NRG1: variants seen among roughly 807,000 people sequenced by gnomAD.
NRG1 encodes pro-neuregulin-1, membrane-bound isoform.
Under a neutral mutation model 63.8 loss-of-function variants are expected in NRG1, and 18 were observed. The ratio of observed to expected loss-of-function variants is 0.28; its 90% confidence interval spans 0.19 to 0.42. NRG1 has a LOEUF of 0.42. Ranked by LOEUF, NRG1 falls within the 10% of genes least tolerant of loss-of-function variation. The pLI is 1.00. For missense variants in NRG1, 762 were observed against 814.7 expected (o/e 0.94, Z 0.79); for synonymous variants, 302 against 301.3 (o/e 1.00, Z -0.02).
At chr8:31,846,939 C>T (rs1290117079) in intron 1 of NRG1, among the ~76,000 whole-genome samples, 1 of 152,096 alleles carries the variant, frequency 6.6e-6, no homozygotes, top group African/African-American at 2.4e-5. Flanking sequence ...GGTTCATGAA[C>T]TAATAATAAA....
chr8:32,033,220 G>A (rs554575641), intron 1 of NRG1, among the ~76,000 whole-genome samples: 26 of 150,518 alleles, frequency 1.7e-4, no homozygotes, highest in South Asian at 4.3e-4. Flanking sequence ...TCAGCCTCCC[G>A]AGTAGATGGG....
intron 5 of NRG1, among the ~76,000 whole-genome samples, chr8:32,666,968 A>G (rs1804338875): frequency 6.6e-6 from 1 of 152,224 alleles, no homozygotes; most frequent in Non-Finnish European, 1.5e-5. Context: ...AGACTGAATA[A>G]TATTCCATTA....
intron 1 of NRG1, among the ~76,000 whole-genome samples, chr8:32,097,363 A>T (rs961622141): frequency 3.4e-4 from 52 of 152,142 alleles, no homozygotes; most frequent in African/African-American, 1.3e-3. Flanking sequence ...CAGTCCCCAA[A>T]TTGAGATTGC....
chr8:32,539,934 A>G (rs1832408004), intron 1 of NRG1, among the ~76,000 whole-genome samples: 1 of 152,342 alleles, frequency 6.6e-6, no homozygotes, highest in African/African-American at 2.4e-5. Context: ...TCAGATGACA[A>G]TTTGGAAGGC....
At chr8:32,605,507 T>C in intron 2 of NRG1, 55 bp from the exon 3 acceptor site, 1 of 1,600,338 alleles carries the variant, frequency 6.2e-7, no homozygotes. Flanking sequence ...TATGTATTTA[T>C]ATTTGTTGGA....
chr8:31,656,485 T>C (rs1805447448), intron 1 of NRG1, among the ~76,000 whole-genome samples: 1 of 152,164 alleles, frequency 6.6e-6, no homozygotes, highest in Non-Finnish European at 1.5e-5. Context: ...CAACTTCCGG[T>C]TAAGATTGGG....
rs562228323 is a variant in NRG1, at chr8:31,742,744, T to C, written c.37+103313T>C. Reference sequence around the variant, plus strand: ...CAAAAGGTAATTCAGGTACCTTGTATCTTTAAATCTGGTGGCTCTGCTATT... The same window carrying C: ...CAAAAGGTAATTCAGGTACCTTGTACCTTTAAATCTGGTGGCTCTGCTATT... On this transcript the variant is annotated intron_variant, in intron 1 of 10. Coordinates refer to the NRG1 transcript ENST00000519301. Among the ~76,000 whole-genome samples the C allele has an allele frequency of 1.4e-4, 22 of 152,080 alleles. No individual in the cohort carries two copies. The South Asian group carries it at 2.9e-3, about 20-fold the overall frequency.
rs115903845 is a variant in NRG1 at position 32,206,716 on chromosome 8, G to A, written c.38-389112G>A. Among the ~76,000 whole-genome samples the A allele has an allele frequency of 2.0e-3, 311 of 152,168 alleles. 1 individual carries two copies. The highest frequency in any genetic ancestry group is 7.1e-3 in the African/African-American group (295 of 41,522). On this transcript the variant is annotated intron_variant, in intron 1 of 10. Coordinates refer to the NRG1 transcript ENST00000519301. ...ATGTATTGTGTAATGGTGAAGTCTC[G>A]GCTTTTTGTGTAGCCATCACCTGAA...
chr8:32,716,109 T>C (rs1564014164), intron 5 of NRG1, among the ~76,000 whole-genome samples: 2 of 152,224 alleles, frequency 1.3e-5, no homozygotes, highest in Admixed American at 1.3e-4. Flanking sequence ...CTCCTGCATA[T>C]GTCTCTCCAT....
intron 1 of NRG1, among the ~76,000 whole-genome samples, chr8:32,296,993 T>C (rs1234355124): frequency 6.6e-6 from 1 of 151,942 alleles, no homozygotes; most frequent in Non-Finnish European, 1.5e-5. Context: ...CCCGCACCTG[T>C]AGTCCCAACT....
chr8:32,695,727 G>A (rs2128948072), intron 5 of NRG1, among the ~76,000 whole-genome samples: 1 of 152,324 alleles, frequency 6.6e-6, no homozygotes, highest in South Asian at 2.1e-4. Context: ...TGGTCAGAAC[G>A]ACCTTCTTTT....
chr8:32,694,444 T>C (rs1246138349), intron 5 of NRG1, among the ~76,000 whole-genome samples: 1 of 152,232 alleles, frequency 6.6e-6, no homozygotes, highest in Non-Finnish European at 1.5e-5. Flanking sequence ...TGCTTCATTT[T>C]TTAAAGTATT....
At chr8:31,905,582 G>T (rs1195395488) in intron 1 of NRG1, among the ~76,000 whole-genome samples, 1 of 152,142 alleles carries the variant, frequency 6.6e-6, no homozygotes, top group African/African-American at 2.4e-5. Flanking sequence ...CTGTTTGTGG[G>T]AAAAATGGCT....
chr8:32,426,363 GAATC>G (rs1817374092), intron 1 of NRG1, among the ~76,000 whole-genome samples: 1 of 152,152 alleles, frequency 6.6e-6, no homozygotes, highest in Non-Finnish European at 1.5e-5. Flanking sequence ...TAAAAAATCT[GAATC>G]AATTTCTATT....
At chr8:32,611,521 A>C (rs1846355186) in intron 3 of NRG1, among the ~76,000 whole-genome samples, 1 of 152,072 alleles carries the variant, frequency 6.6e-6, no homozygotes, top group African/African-American at 2.4e-5. Context: ...ATATGAAAGC[A>C]ATAGGGTAGA....
intron 1 of NRG1, among the ~76,000 whole-genome samples, chr8:32,379,137 T>C (rs1356675914): frequency 6.6e-6 from 1 of 151,340 alleles, no homozygotes. Context: ...AAAAAGCCAA[T>C]GGAAAGCTCA....
At chr8:32,300,853 T>C (rs1855498488) in intron 1 of NRG1, among the ~76,000 whole-genome samples, 1 of 152,178 alleles carries the variant, frequency 6.6e-6, no homozygotes, top group Admixed American at 6.5e-5. Context: ...TTAATTTACA[T>C]CAATGGAAGA....
At chr8:31,828,371 G>C (rs1824780232) in intron 1 of NRG1, among the ~76,000 whole-genome samples, 1 of 152,136 alleles carries the variant, frequency 6.6e-6, no homozygotes, top group African/African-American at 2.4e-5. Context: ...CTGAGCTGGA[G>C]CCTGCAAAAG....
intron 1 of NRG1, among the ~76,000 whole-genome samples, chr8:31,830,617 A>T (rs373291289): frequency 1.4e-4 from 21 of 152,082 alleles, no homozygotes; most frequent in African/African-American, 5.1e-4. Flanking sequence ...CTCCATTTCA[A>T]TCTAGTTTCC....
Sources: gnomAD v4.1 joint callset for allele counts (sites outside exome capture counted in the v4.1 genomes callset) on GRCh38, gnomAD v4.1.1 for gene constraint, MANE v1.5 for transcripts, NCBI Gene and HGNC (gene_info 2026-07-23, HGNC 2026-07-21) for gene names.